Variants in CEP170 observed in about 807,000 individuals in gnomAD.
The protein encoded by CEP170 is centrosomal protein of 170 kDa.
A neutral mutation model predicts 151.9 loss-of-function variants in CEP170; 21 were observed. The ratio of observed to expected loss-of-function variants is 0.14; its 90% CI spans 0.10 to 0.20. The LOEUF (loss-of-function observed/expected upper bound fraction) is 0.20. Ranked by LOEUF, CEP170 falls within the 10% of genes least tolerant of loss-of-function variation. CEP170 has a pLI of 1.00. For synonymous variants in CEP170, 356 were observed against 648.8 expected (o/e 0.55, Z 6.86); for missense variants, 964 against 1,892.9 (o/e 0.51, Z 9.11).
chr1:243,197,554 T>C (rs2060735736), intron 7 of CEP170, among the ~76,000 whole-genome samples: 1 of 152,014 alleles, frequency 6.6e-6, no homozygotes, highest in Non-Finnish European at 1.5e-5. Flanking sequence ...TGGAAGGTCT[T>C]CCGGAAGTAA....
chr1:243,176,039 G>A lies in CEP170; in HGVS notation c.1567-3193C>T, dbSNP rs572276609. Among the ~76,000 whole-genome samples the A allele has an allele frequency of 2.8e-4, 42 of 152,182 alleles. No homozygotes were observed. In the South Asian group the frequency reaches 7.0e-3, roughly 26 times the overall value. The stretch of plus-strand genomic sequence containing the variant: ...TCTCCATCTCCTGACCTCATCATCT[G>A]CCTGCCTCAGCCTCCCAAAGTGCTG... On this transcript the variant is annotated intron_variant, in intron 10 of 19. Transcript: ENST00000366542.
At chr1:243,153,801 C>T (rs2260823) in intron 14 of CEP170, among the ~76,000 whole-genome samples, 3 of 147,864 alleles carry the variant, frequency 2.0e-5, no homozygotes, top group East Asian at 2.1e-4. Flanking sequence ...GTACTATCTT[C>T]GAGGTGTTAC....
At chr1:243,209,838 G>A (rs1448008502) in intron 4 of CEP170, among the ~76,000 whole-genome samples, 43 of 151,556 alleles carry the variant, frequency 2.8e-4, no homozygotes, top group African/African-American at 9.0e-4. Context: ...GAGTACAGGC[G>A]CCCGCCACCA....
At position 243,201,307 on chromosome 1, in the gene CEP170, G is replaced by C. The variant is rs2061014702; in HGVS notation, c.275-472C>G. 2.0e-5 allele frequency among the ~76,000 whole-genome samples: 3 copies of C among 152,058 alleles called. No homozygotes were observed. The South Asian group carries it at 6.2e-4, about 31-fold the overall frequency. On this transcript the variant is annotated intron_variant, in intron 4 of 19. Transcript: ENST00000366542. Reference sequence around the variant, plus strand: ...TGAAGTTCATTTTGCAAGTGCAAAAGAAATGCTATAATTAGGGTCCTTACA... The same window carrying C: ...TGAAGTTCATTTTGCAAGTGCAAAACAAATGCTATAATTAGGGTCCTTACA...
rs554370419 is a variant in CEP170 at position 243,231,984 on chromosome 1, C to T, written c.-41-6663G>A. Among the ~76,000 whole-genome samples, 20 of 151,810 alleles carry T rather than the reference C, an allele frequency of 1.3e-4. No individual in the cohort carries two copies. In the South Asian group the frequency reaches 4.2e-3, roughly 32 times the overall value. ...TTCTTCTTTTTTTTTCTTTTTGAGA[C>T]AAGGTCTGGCTCTCTATTGCTCAGG... On this transcript the variant is annotated intron_variant, in intron 1 of 19. Transcript: ENST00000366542.
intron 2 of CEP170, among the ~76,000 whole-genome samples, chr1:243,224,734 A>G (rs1427405579): frequency 6.6e-6 from 1 of 152,202 alleles, no homozygotes; most frequent in Non-Finnish European, 1.5e-5. Context: ...TATACCTTAA[A>G]TATACACAAT....
intron 1 of CEP170, among the ~76,000 whole-genome samples, chr1:243,231,726 C>G (rs984342708): frequency 1.3e-5 from 2 of 151,984 alleles, no homozygotes; most frequent in Non-Finnish European, 2.9e-5. Context: ...AAATGATACA[C>G]TACAAAAAAG....
chr1:243,235,074 T>G (rs1390099220), intron 1 of CEP170, among the ~76,000 whole-genome samples: 1 of 152,194 alleles, frequency 6.6e-6, no homozygotes, highest in Non-Finnish European at 1.5e-5. Context: ...GTTTCTTCAT[T>G]CACAAGTAGT....
intron 8 of CEP170, 100 bp downstream of exon 8, chr1:243,190,918 A>G: frequency 7.0e-7 from 1 of 1,435,396 alleles, no homozygotes; most frequent in South Asian, 1.5e-5. Flanking sequence ...AAAAAGCAGA[A>G]TGTTTTCTAC....
At position 243,125,440 on chromosome 1, in the gene CEP170, C is replaced by A. The variant is rs2787273; in HGVS notation, c.*1009G>T. 1 of 152,696 alleles carries A rather than the reference C, an allele frequency of 6.5e-6. No individual in the cohort carries two copies. The highest frequency in any genetic ancestry group is 1.5e-5 in the Non-Finnish European group (1 of 68,098). The allele number at this position is 152,696 out of a possible 1,614,324, so 9.5% of individuals were successfully genotyped here. ...GGAGTGAAACTATCAACTAATCTTACGACTACTGGTTCTCCAAGTCCCCTA... is the reference window on the plus strand; with the variant it reads ...GGAGTGAAACTATCAACTAATCTTAAGACTACTGGTTCTCCAAGTCCCCTA... On this transcript the variant is annotated 3_prime_UTR_variant, in exon 20 of 20. Coordinates refer to ENST00000366542, the MANE Select transcript of CEP170 (RefSeq NM_014812.3).
At chr1:243,226,019 A>AT (rs2063203488) in intron 1 of CEP170, among the ~76,000 whole-genome samples, 1 of 134,310 alleles carries the variant, frequency 7.4e-6, no homozygotes, top group African/African-American at 3.1e-5. Context: ...AGATATATAT[A>AT]CACACGTATA....
At chr1:243,128,228 T>G in intron 19 of CEP170, 21 bp downstream of exon 19, 19 of 1,567,818 alleles carry the variant, frequency 1.2e-5, no homozygotes, top group Non-Finnish European at 1.6e-5. Context: ...CTCTTTATAC[T>G]TAATTCAGTA....
intron 12 of CEP170, chr1:243,168,407 G>GT (rs1166103486): frequency 9.9e-5 from 15 of 151,920 alleles, no homozygotes; most frequent in Non-Finnish European, 2.1e-4. Flanking sequence ...CTTTTTAACT[G>GT]TAAGTGAGTA....
chr1:243,234,518 G>C (rs994032368), intron 1 of CEP170, among the ~76,000 whole-genome samples: 1 of 152,158 alleles, frequency 6.6e-6, no homozygotes, highest in Non-Finnish European at 1.5e-5. Flanking sequence ...CAGCAGTAAA[G>C]CTTATCAACT....
At chr1:243,221,134 C>T (rs939045179) in intron 3 of CEP170, among the ~76,000 whole-genome samples, 2 of 152,192 alleles carry the variant, frequency 1.3e-5, no homozygotes, top group Non-Finnish European at 2.9e-5. Context: ...ACGCCATTCT[C>T]CTGCCTCAGA....
chr1:243,142,729 CTG>C (rs1234715044), intron 14 of CEP170, among the ~76,000 whole-genome samples: 3 of 152,180 alleles, frequency 2.0e-5, no homozygotes, highest in Admixed American at 6.5e-5. Context: ...TTAACACACA[CTG>C]TGTTAATGAC....
chr1:243,168,556 C>T (rs2058609344), intron 12 of CEP170: 3 of 151,832 alleles, frequency 2.0e-5, no homozygotes, highest in African/African-American at 4.8e-5. Context: ...GCATATTCAT[C>T]ACCTCAAAGA....
chr1:243,191,237 G>A lies in CEP170; in HGVS notation c.889C>T (p.His297Tyr). The change falls in exon 8 of 20, where the codon CAT (histidine) becomes TAT (tyrosine). Residue 297 changes from histidine (H) to tyrosine (Y), a missense_variant. Physicochemically the swap from His to Tyr is moderately conservative, Grantham distance 83. Transcript: ENST00000366542. ...TGATCAGAAGTAAACTTTGTCACATGGTCTCTAATAGTTACCTTCCCTGGG... is the reference window on the plus strand; with the variant it reads ...TGATCAGAAGTAAACTTTGTCACATAGTCTCTAATAGTTACCTTCCCTGGG... ...STPGKVTIRD[H>Y]VTKFTSDQRH... 1.2e-6 allele frequency: 2 copies of A among 1,609,608 alleles called. No homozygotes were observed. The highest frequency in any genetic ancestry group is 1.7e-6 in the Non-Finnish European group (2 of 1,177,880).
chr1:243,146,918 G>C (rs2056568926), intron 14 of CEP170, among the ~76,000 whole-genome samples: 1 of 142,438 alleles, frequency 7.0e-6, no homozygotes, highest in South Asian at 2.1e-4. Context: ...GACCAATTGT[G>C]AATCCCCCCT....
Sources: allele counts gnomAD v4.1 joint callset (sites outside exome capture counted in the v4.1 genomes callset), GRCh38; gene constraint gnomAD v4.1.1; transcripts MANE v1.5; gene names NCBI Gene and HGNC (gene_info 2026-07-23, HGNC 2026-07-21).